ADGRB3: variants seen among roughly 807,000 people sequenced by gnomAD.
The protein encoded by ADGRB3 is brain-specific angiogenesis inhibitor 3.
ADGRB3 carries 37 observed loss-of-function variants against 193.4 expected under a neutral mutation model. That is an observed-to-expected ratio of 0.19 (90% CI 0.15 to 0.25). The LOEUF is 0.25. ADGRB3 is among the 10% of genes least tolerant of loss of function. The probability of loss-of-function intolerance (pLI) is 1.00; values close to 1 mark genes in which losing one functional copy is unlikely to be tolerated. For synonymous variants in ADGRB3, 690 were observed against 644.2 expected (o/e 1.07, Z -1.08); for missense variants, 1,637 against 1,852.9 (o/e 0.88, Z 2.14).
chr6:68,741,120 T>C (rs1765972318), intron 3 of ADGRB3, among the ~76,000 whole-genome samples: 1 of 152,186 alleles, frequency 6.6e-6, no homozygotes, highest in Non-Finnish European at 1.5e-5. Context: ...AACAAATGCA[T>C]GCATGGACAC....
At chr6:69,192,665 C>G (rs779483) in intron 17 of ADGRB3, among the ~76,000 whole-genome samples, 1 of 151,992 alleles carries the variant, frequency 6.6e-6, no homozygotes, top group Non-Finnish European at 1.5e-5. Context: ...GTAGACCAAA[C>G]TGGGTTATCA....
intron 3 of ADGRB3, among the ~76,000 whole-genome samples, chr6:68,831,749 G>A (rs1767961108): frequency 1.3e-5 from 2 of 152,122 alleles, no homozygotes; most frequent in African/African-American, 4.8e-5. Flanking sequence ...TCTCCAGAAA[G>A]TCAAATGAAA....
chr6:68,785,955 C>A (rs957528801), intron 3 of ADGRB3, among the ~76,000 whole-genome samples: 8 of 152,210 alleles, frequency 5.3e-5, no homozygotes, highest in African/African-American at 1.7e-4. Context: ...TAAATGTCTT[C>A]TTTTGAGAAG....
intron 17 of ADGRB3, among the ~76,000 whole-genome samples, chr6:69,105,906 G>A (rs1328041340): frequency 2.0e-5 from 3 of 152,040 alleles, no homozygotes; most frequent in Middle Eastern, 3.2e-3. Flanking sequence ...AGGCCAAGGC[G>A]GGTGGGTCAC....
At chr6:69,007,527 A>C (rs1272408307) in intron 11 of ADGRB3, among the ~76,000 whole-genome samples, 1 of 151,876 alleles carries the variant, frequency 6.6e-6, no homozygotes, top group Non-Finnish European at 1.5e-5. Flanking sequence ...TTACCCAGGG[A>C]ATTTGAACAT....
Position 69,376,884 on chromosome 6 carries a change from G to A in ADGRB3, c.4275+4443G>A, listed in dbSNP as rs1297542655. 2.6e-5 allele frequency among the ~76,000 whole-genome samples: 4 copies of A among 151,954 alleles called. No individual in the cohort carries two copies. The South Asian group carries it at 6.2e-4, about 24-fold the overall frequency. On this transcript the variant is annotated intron_variant, in intron 30 of 31. Coordinates refer to ENST00000370598, the MANE Select transcript of ADGRB3 (RefSeq NM_001704.3). ...ACTGTTGCAAAATTATGCATTTACA[G>A]CAAGTATACTCATGATTGACAGTGG...
chr6:69,007,649 C>T (rs1450491976), intron 11 of ADGRB3, among the ~76,000 whole-genome samples: 2 of 149,948 alleles, frequency 1.3e-5, no homozygotes, highest in African/African-American at 4.9e-5. Context: ...TTCCTGATGA[C>T]TATCTAATCT....
intron 16 of ADGRB3, among the ~76,000 whole-genome samples, chr6:69,067,508 G>A (rs1041159274): frequency 5.3e-5 from 8 of 151,918 alleles, no homozygotes; most frequent in African/African-American, 1.9e-4. Flanking sequence ...TTCATCAGTG[G>A]GTATTTTCAT....
intron 3 of ADGRB3, among the ~76,000 whole-genome samples, chr6:68,764,942 G>A (rs1319052759): frequency 2.0e-5 from 3 of 152,172 alleles, no homozygotes; most frequent in Non-Finnish European, 4.4e-5. Context: ...CTTAGGAAAT[G>A]TTACTCTTTA....
At chr6:69,198,740 G>A (rs1237246696) in intron 17 of ADGRB3, among the ~76,000 whole-genome samples, 1 of 152,056 alleles carries the variant, frequency 6.6e-6, no homozygotes, top group Non-Finnish European at 1.5e-5. Context: ...GGAGAGGTTA[G>A]ATTTTATTTT....
intron 17 of ADGRB3, among the ~76,000 whole-genome samples, chr6:69,159,702 A>C (rs1327986413): frequency 6.6e-6 from 1 of 152,146 alleles, no homozygotes; most frequent in Non-Finnish European, 1.5e-5. Context: ...GATCTCATCC[A>C]GTCTCATGGT....
At chr6:68,813,099 T>C (rs1316680753) in intron 3 of ADGRB3, among the ~76,000 whole-genome samples, 3 of 152,164 alleles carry the variant, frequency 2.0e-5, no homozygotes, top group Admixed American at 6.6e-5. Flanking sequence ...GGTCATTGAA[T>C]CATGGGGGCC....
At chr6:68,820,177 T>C (rs1767723024) in intron 3 of ADGRB3, among the ~76,000 whole-genome samples, 1 of 152,042 alleles carries the variant, frequency 6.6e-6, no homozygotes, top group Non-Finnish European at 1.5e-5. Context: ...TGATTACATC[T>C]ATACATATCT....
chr6:68,872,072 T>C (rs1263123766), intron 3 of ADGRB3, among the ~76,000 whole-genome samples: 1 of 152,194 alleles, frequency 6.6e-6, no homozygotes, highest in African/African-American at 2.4e-5. Context: ...GCTGTAACTT[T>C]CAAATAAATA....
chr6:68,896,685 G>C (rs1421464681), intron 3 of ADGRB3, among the ~76,000 whole-genome samples: 1 of 152,138 alleles, frequency 6.6e-6, no homozygotes, highest in Non-Finnish European at 1.5e-5. Context: ...TTAGGGGAAA[G>C]AGAAAGGAGT....
chr6:69,124,160 C>A lies in ADGRB3; in HGVS notation c.2480+48122C>A, dbSNP rs536089227. On this transcript the variant is annotated intron_variant, in intron 17 of 31. Transcript: ENST00000370598. ...GACGTATCTTTATCTTTATATTTTA[C>A]AAAGATTTGTTGTCCAAATGAATGT... is the stretch of plus-strand genomic sequence containing the variant. 1.1e-4 allele frequency among the ~76,000 whole-genome samples: 17 copies of A among 151,800 alleles called. No individual in the cohort carries two copies. The South Asian group carries it at 3.5e-3, about 32-fold the overall frequency.
intron 10 of ADGRB3, among the ~76,000 whole-genome samples, chr6:68,977,018 T>A (rs953390916): frequency 6.7e-6 from 1 of 149,048 alleles, no homozygotes; most frequent in Admixed American, 6.7e-5. Flanking sequence ...TGCATTATAT[T>A]GATATAAATT....
chr6:68,728,516 G>A (rs1765715197), intron 3 of ADGRB3, among the ~76,000 whole-genome samples: 2 of 151,542 alleles, frequency 1.3e-5, no homozygotes, highest in African/African-American at 4.8e-5. Flanking sequence ...AAACACTCGT[G>A]CACACATATA....
At chr6:69,201,062 C>T (rs895356034) in intron 17 of ADGRB3, among the ~76,000 whole-genome samples, 5 of 152,080 alleles carry the variant, frequency 3.3e-5, no homozygotes, top group Non-Finnish European at 7.4e-5. Context: ...TGTATCTTTC[C>T]ACCTGAGAAC....
Sources: allele counts gnomAD v4.1 joint callset (sites outside exome capture counted in the v4.1 genomes callset), GRCh38; gene constraint gnomAD v4.1.1; transcripts MANE v1.5; gene names NCBI Gene and HGNC (gene_info 2026-07-23, HGNC 2026-07-21).